The following SUCLG2 variants were observed in gnomAD, a reference collection of about 807,000 sequenced individuals.
SUCLG2 encodes the protein succinate-CoA ligase GDP-forming subunit beta.
Under a neutral mutation model 47.9 loss-of-function variants are expected in SUCLG2, and 42 were observed. The ratio of observed to expected loss-of-function variants is 0.88; its 90% confidence interval spans 0.69 to 1.14. The LOEUF is 1.14. Ranked by LOEUF, SUCLG2 falls within the 50% of genes most tolerant of loss-of-function variation. The probability of loss-of-function intolerance (pLI) is 0.00; values close to 1 mark genes in which losing one functional copy is unlikely to be tolerated. For missense variants in SUCLG2, 571 were observed against 525.9 expected (o/e 1.09, Z -0.84); for synonymous variants, 195 against 197.3 (o/e 0.99, Z 0.10).
At chr3:67,370,045 CAT>C (rs1221459263), downstream of SUCLG2, among the ~76,000 whole-genome samples, 3 of 151,904 alleles carry the variant, frequency 2.0e-5, no homozygotes, top group Non-Finnish European at 2.9e-5. Flanking sequence ...TATGAGAAAA[CAT>C]AGTTTAATGA....
At chr3:67,479,479 G>A (rs758916462) in intron 9 of SUCLG2, among the ~76,000 whole-genome samples, 3 of 152,062 alleles carry the variant, frequency 2.0e-5, no homozygotes, top group Non-Finnish European at 2.9e-5. Flanking sequence ...CTATTATCAC[G>A]ATGTTTGTCA....
chr3:67,425,143 T>C (rs1448259501), intron 9 of SUCLG2, among the ~76,000 whole-genome samples: 1 of 152,194 alleles, frequency 6.6e-6, no homozygotes, highest in Admixed American at 6.5e-5. Context: ...AACTGACTTA[T>C]GAATTTACTT....
intron 9 of SUCLG2, among the ~76,000 whole-genome samples, chr3:67,467,862 C>T (rs925842494): frequency 2.6e-5 from 4 of 151,958 alleles, no homozygotes; most frequent in African/African-American, 9.7e-5. Context: ...TAAGAGGAAA[C>T]AGAGCGGGAA....
At chr3:67,582,071 G>T (rs1441611504) in intron 2 of SUCLG2, among the ~76,000 whole-genome samples, 2 of 152,148 alleles carry the variant, frequency 1.3e-5, no homozygotes, top group African/African-American at 4.8e-5. Flanking sequence ...AAGTACCAGA[G>T]AAATTTTGCC....
chr3:67,446,965 A>G (rs1703943039), intron 9 of SUCLG2, among the ~76,000 whole-genome samples: 1 of 152,202 alleles, frequency 6.6e-6, no homozygotes, highest in African/African-American at 2.4e-5. Flanking sequence ...TGTTTGAGGA[A>G]GAAAATGGTT....
At chr3:67,468,682 G>A (rs1038915987) in intron 9 of SUCLG2, among the ~76,000 whole-genome samples, 5 of 152,058 alleles carry the variant, frequency 3.3e-5, no homozygotes, top group Admixed American at 6.6e-5. Flanking sequence ...GTCATCACAC[G>A]GCTCGGGCTC....
chr3:67,430,883 C>A (rs1703461615), intron 9 of SUCLG2, among the ~76,000 whole-genome samples: 1 of 151,982 alleles, frequency 6.6e-6, no homozygotes, highest in African/African-American at 2.4e-5. Flanking sequence ...ACACATACAC[C>A]CTCCCAAGAC....
At chr3:67,614,434 G>C (rs1700587710) in intron 1 of SUCLG2, among the ~76,000 whole-genome samples, 1 of 151,394 alleles carries the variant, frequency 6.6e-6, no homozygotes, top group Non-Finnish European at 1.5e-5. Context: ...GTAACAGCTA[G>C]CCCTAGACTC....
chr3:67,590,155 G>C (rs1320602116), intron 2 of SUCLG2, among the ~76,000 whole-genome samples: 1 of 152,082 alleles, frequency 6.6e-6, no homozygotes, highest in Non-Finnish European at 1.5e-5. Flanking sequence ...ATTTCAGAAA[G>C]AGAAATAATT....
Position 67,552,849 on chromosome 3 carries a change from G to C in SUCLG2, c.227-23663C>G, listed in dbSNP as rs552787435. Among the ~76,000 whole-genome samples the C allele has an allele frequency of 1.3e-3, 193 of 152,160 alleles. 1 individual carries two copies. Among genetic ancestry groups the C allele is most frequent in the African/African-American group, 4.6e-3 (191 of 41,504 alleles). On this transcript the variant is annotated intron_variant, in intron 2 of 10. Coordinates refer to ENST00000307227, the MANE Select transcript of SUCLG2 (RefSeq NM_003848.4). ...TTTATACCTTAAATTATCTGATTTG[G>C]CCCCAAATCATTTGTAAGCTATTTC...
At chr3:67,398,595 T>C (rs937833357) in intron 10 of SUCLG2, among the ~76,000 whole-genome samples, 1 of 151,870 alleles carries the variant, frequency 6.6e-6, no homozygotes, top group Non-Finnish European at 1.5e-5. Flanking sequence ...AGTTCAACCA[T>C]TGTGGAAGTC....
chr3:67,394,608 A>G (rs1267060769), intron 10 of SUCLG2, among the ~76,000 whole-genome samples: 5 of 152,076 alleles, frequency 3.3e-5, no homozygotes, highest in African/African-American at 1.2e-4. Context: ...GCAGGATATT[A>G]TCCAAGAGAA....
At chr3:67,562,527 C>T (rs566326370) in intron 2 of SUCLG2, among the ~76,000 whole-genome samples, 54 of 152,342 alleles carry the variant, frequency 3.5e-4, no homozygotes, top group African/African-American at 1.2e-3. Flanking sequence ...ATCCACCTGC[C>T]GCAGCCTCCC....
chr3:67,523,316 T>A (rs1706168983), intron 4 of SUCLG2, among the ~76,000 whole-genome samples: 1 of 152,328 alleles, frequency 6.6e-6, no homozygotes, highest in South Asian at 2.1e-4. Flanking sequence ...AATATATAGG[T>A]CTTCATATTG....
intron 4 of SUCLG2, among the ~76,000 whole-genome samples, chr3:67,527,371 T>C (rs778801933): frequency 6.6e-6 from 1 of 152,210 alleles, no homozygotes; most frequent in Admixed American, 6.5e-5. Flanking sequence ...GTAAAGGGAT[T>C]TAATGTTTAG....
chr3:67,410,327 G>A (rs1290191571), intron 9 of SUCLG2, among the ~76,000 whole-genome samples: 1 of 152,200 alleles, frequency 6.6e-6, no homozygotes, highest in African/African-American at 2.4e-5. Flanking sequence ...TGCTTCTGTA[G>A]TTGTCAGCAG....
At chr3:67,474,939 G>A (rs1204728881) in intron 9 of SUCLG2, among the ~76,000 whole-genome samples, 2 of 151,302 alleles carry the variant, frequency 1.3e-5, no homozygotes, top group African/African-American at 4.9e-5. Flanking sequence ...CCTCAGAATT[G>A]CTCACTCATG....
intron 2 of SUCLG2, among the ~76,000 whole-genome samples, chr3:67,570,112 G>A (rs901404704): frequency 2.6e-5 from 4 of 152,194 alleles, no homozygotes; most frequent in Admixed American, 6.5e-5. Context: ...AAGAAAGGCC[G>A]TAAGAGGACA....
intron 9 of SUCLG2, among the ~76,000 whole-genome samples, chr3:67,476,570 A>G (rs570417208): frequency 3.3e-5 from 5 of 152,262 alleles, no homozygotes; most frequent in Non-Finnish European, 7.4e-5. Context: ...AGTGCACAAT[A>G]AATGTAATGC....
Sources: allele counts gnomAD v4.1 joint callset (sites outside exome capture counted in the v4.1 genomes callset), GRCh38; gene constraint gnomAD v4.1.1; transcripts MANE v1.5; gene names NCBI Gene and HGNC (gene_info 2026-07-23, HGNC 2026-07-21).